VPS13D: variants seen among roughly 807,000 people sequenced by gnomAD.
VPS13D encodes intermembrane lipid transfer protein VPS13D.
VPS13D carries 187 observed loss-of-function variants against 461.9 expected under a neutral mutation model. The observed-to-expected ratio is 0.40, with a 90% CI of 0.36 to 0.46. The LOEUF (loss-of-function observed/expected upper bound fraction) is 0.46, where lower values mean the gene tolerates loss of function less well. Among genes scored for constraint, VPS13D ranks in the 20% least tolerant of loss-of-function variants. The pLI is 0.60. For synonymous variants in VPS13D, 1,951 were observed against 1,986.3 expected (o/e 0.98, Z 0.47); for missense variants, 4,711 against 5,364.9 (o/e 0.88, Z 3.81).
rs376552311 is a variant in VPS13D at position 12,308,730 on chromosome 1, A to G, written c.6650+89A>G. 4.2e-4 allele frequency: 510 copies of G among 1,217,864 alleles called. 4 individuals are homozygous for G. The African/African-American group carries it at 5.8e-3, about 14-fold the overall frequency. 75.4% of individuals were successfully genotyped at this position (1,217,864 alleles called of 1,614,324 possible). A position where few individuals can be genotyped will look rare whatever the true frequency, so the allele number is the denominator to read the frequency against. ...AGTGGCGCAATCTTGGCTCACTGCA[A>G]CCTCCACCTCTGAGGTTCAAGTGAT... is the stretch of plus-strand genomic sequence containing the variant. On this transcript the variant is annotated intron_variant, in intron 27 of 69. Coordinates refer to ENST00000620676, the MANE Select transcript of VPS13D (RefSeq NM_015378.4).
At chr1:12,318,759 G>T (rs995631220) in intron 31 of VPS13D, among the ~76,000 whole-genome samples, 1 of 152,140 alleles carries the variant, frequency 6.6e-6, no homozygotes, top group Admixed American at 6.5e-5. Context: ...ATTACAAAAA[G>T]AATATTTTTC....
chr1:12,326,630 C>T (rs1021936849), intron 35 of VPS13D, among the ~76,000 whole-genome samples: 5 of 151,354 alleles, frequency 3.3e-5, no homozygotes, highest in Non-Finnish European at 7.4e-5. Context: ...CCACTGTGCT[C>T]GGCCTCTGTT....
In VPS13D at chr1:12,244,459, C is replaced by T. The variant is rs776350600; in HGVS notation, c.366+23C>T. ...AAGGCAAGGCAGAGATCTTCTGGGC[C>T]ATAAGAGCAGTTGTGGTGACACGTG... On this transcript the variant is annotated intron_variant, in intron 4 of 69. Coordinates refer to ENST00000620676, the MANE Select transcript of VPS13D (RefSeq NM_015378.4). 4 of 1,613,784 alleles carry T rather than the reference C, an allele frequency of 2.5e-6. No individual in the cohort carries two copies. The Admixed American group carries it at 6.7e-5, about 27-fold the overall frequency.
chr1:12,404,075 T>C (rs1644616143), intron 63 of VPS13D, 102 bp downstream of exon 63: 2 of 1,083,364 alleles, frequency 1.8e-6, no homozygotes, highest in South Asian at 5.6e-5. Context: ...GTGTGCTTTT[T>C]TTTTTGTCCC....
At chr1:12,332,960 C>T (rs1643367347) in intron 37 of VPS13D, among the ~76,000 whole-genome samples, 3 of 152,172 alleles carry the variant, frequency 2.0e-5, no homozygotes, top group African/African-American at 7.2e-5. Flanking sequence ...GAAGAGGGCA[C>T]ATACACTGCC....
Position 12,495,409 on chromosome 1 carries a change from C to T in VPS13D, c.12663-2091C>T, listed in dbSNP as rs927694006. On this transcript the variant is annotated intron_variant, in intron 67 of 69. Coordinates refer to ENST00000620676, the MANE Select transcript of VPS13D (RefSeq NM_015378.4). The surrounding 1 kb of genome is among the most constrained non-coding windows in gnomAD (Gnocchi z 4.0). ...TCCTGACCCTGTGATCCATCCGCCT[C>T]GGCCTCCCAAAGTGCTGGGATTACA... 2.6e-5 allele frequency among the ~76,000 whole-genome samples: 4 copies of T among 152,162 alleles called. No individual in the cohort carries two copies. The highest frequency in any genetic ancestry group is 1.9e-4 in the East Asian group (1 of 5,200).
chr1:12,481,995 G>T (rs1002384154), intron 67 of VPS13D, among the ~76,000 whole-genome samples: 4 of 152,170 alleles, frequency 2.6e-5, no homozygotes, highest in Admixed American at 2.0e-4. Flanking sequence ...CCTGTTCCTC[G>T]GTTAGAGGCA....
intron 65 of VPS13D, among the ~76,000 whole-genome samples, chr1:12,440,242 T>C (rs1257841358): frequency 1.3e-5 from 2 of 152,196 alleles, no homozygotes; most frequent in African/African-American, 4.8e-5. Context: ...GGGACATCAT[T>C]TTGTGTTTTG....
At chr1:12,420,663 T>C (rs915869813) in intron 65 of VPS13D, among the ~76,000 whole-genome samples, 3 of 152,258 alleles carry the variant, frequency 2.0e-5, no homozygotes, top group Admixed American at 2.0e-4. Flanking sequence ...GCCATTATTA[T>C]AGACATACGT....
intron 10 of VPS13D, among the ~76,000 whole-genome samples, chr1:12,259,078 A>G (rs1048452076): frequency 2.7e-5 from 4 of 147,442 alleles, no homozygotes; most frequent in African/African-American, 1.0e-4. Context: ...GTCTGGCTCT[A>G]TTGCCTAGGC....
Position 12,311,888 on chromosome 1 carries a change from G to A in VPS13D, c.6898G>A (p.Asp2300Asn), listed in dbSNP as rs1642761281. 1.2e-6 allele frequency: 2 copies of A among 1,614,032 alleles called. No individual in the cohort carries two copies. Among genetic ancestry groups the A allele is most frequent in the African/African-American group, 1.3e-5 (1 of 74,926 alleles). ...GGTGAATGTAAGTCTGGAGCTTAAA[G>A]ATCCAAAAAGAAAAGAAGGTGCTGG... ...DMVNVSLELK[D>N]PKRKEGAGSL... The change falls in exon 29 of 70, where the codon GAT becomes AAT. Residue 2300 changes from aspartate to asparagine, a missense_variant. Coordinates refer to ENST00000620676, the MANE Select transcript of VPS13D (RefSeq NM_015378.4).
At chr1:12,261,546 C>T (rs1447154121) in intron 12 of VPS13D, among the ~76,000 whole-genome samples, 1 of 152,246 alleles carries the variant, frequency 6.6e-6, no homozygotes, top group Non-Finnish European at 1.5e-5. Context: ...TGCACTAGCA[C>T]ATTAGCCACG....
Position 12,318,288 on chromosome 1 carries a change from C to T in VPS13D, c.7365C>T (p.Ser2455=). 1 of 1,613,634 alleles carries T rather than the reference C, an allele frequency of 6.2e-7. No homozygotes were observed. The highest frequency in any genetic ancestry group is 1.1e-5 in the South Asian group (1 of 91,064). The part of the protein sequence containing the change: ...VKSGVVTKRS[S]LPVSNERHLE... ...GTGGAGTAGTTACCAAGCGGTCTTC[C>T]CTTCCTGTGTCCAATGAAAGGCACC... The change falls in exon 31 of 70, where the codon TCC becomes TCT. Residue 2455 remains serine, a synonymous_variant. Coordinates refer to ENST00000620676, the MANE Select transcript of VPS13D (RefSeq NM_015378.4).
At chr1:12,499,756 A>G (rs757147527) in intron 68 of VPS13D, 11 of 985,420 alleles carry the variant, frequency 1.1e-5, no homozygotes, top group Non-Finnish European at 1.2e-5. Flanking sequence ...CAAGTGTACA[A>G]GGAAGAAGCC....
chr1:12,456,327 C>A (rs976979776), intron 66 of VPS13D, among the ~76,000 whole-genome samples, 197 bp downstream of exon 66: 1 of 151,868 alleles, frequency 6.6e-6, no homozygotes, highest in Non-Finnish European at 1.5e-5. Context: ...CACAGTGAAA[C>A]CCCGCCTCTA....
rs180829390 is a variant in VPS13D at position 12,485,282 on chromosome 1, G to A, written c.12663-12218G>A. 1.7e-3 allele frequency among the ~76,000 whole-genome samples: 259 copies of A among 152,330 alleles called. 4 individuals are homozygous for A. The highest frequency in any genetic ancestry group is 6.0e-3 in the African/African-American group (251 of 41,580). On this transcript the variant is annotated intron_variant, in intron 67 of 69. Coordinates refer to ENST00000620676, the MANE Select transcript of VPS13D (RefSeq NM_015378.4). ...CTGAGCGGCTGTTCTCTCCTGACCT[G>A]ACCGCAGCAGTGACCCACCAGCTTG...
At chr1:12,259,540 G>A (rs761037494) in intron 10 of VPS13D, among the ~76,000 whole-genome samples, 2 of 152,090 alleles carry the variant, frequency 1.3e-5, no homozygotes, top group Non-Finnish European at 2.9e-5. Context: ...CTGGGCTCAA[G>A]CAATTTGCCC....
chr1:12,467,865 G>A (rs188377246), intron 67 of VPS13D, among the ~76,000 whole-genome samples: 4 of 151,672 alleles, frequency 2.6e-5, no homozygotes, highest in Non-Finnish European at 4.4e-5. Flanking sequence ...GCCATTTTTG[G>A]CATGCAGAGA....
At chr1:12,397,832 A>G (rs1371520401) in intron 60 of VPS13D, among the ~76,000 whole-genome samples, 1 of 152,230 alleles carries the variant, frequency 6.6e-6, no homozygotes, top group Non-Finnish European at 1.5e-5. Context: ...AGCAAACCAT[A>G]GAGATGGTCA....
Sources: allele counts gnomAD v4.1 joint callset (sites outside exome capture counted in the v4.1 genomes callset), GRCh38; gene constraint gnomAD v4.1.1; non-coding constraint Gnocchi (gnomAD v3.1); transcripts MANE v1.5; gene names NCBI Gene and HGNC (gene_info 2026-07-23, HGNC 2026-07-21).